The following POLN variants were observed in gnomAD, a reference collection of about 807,000 sequenced individuals.
POLN encodes the protein DNA polymerase N.
POLN carries 108 observed loss-of-function variants against 113.5 expected under a neutral mutation model. That is an observed-to-expected ratio of 0.95 (90% confidence interval 0.81 to 1.12). The LOEUF (loss-of-function observed/expected upper bound fraction) is 1.12, where lower values mean the gene tolerates loss of function less well. POLN is among the 50% of genes most tolerant of loss of function. The pLI is 0.00. For missense variants in POLN, 1,097 were observed against 1,077.1 expected, an observed-to-expected ratio of 1.02 and a Z score of -0.26; for synonymous variants, 386 against 391.5, an observed-to-expected ratio of 0.99 and a Z score of 0.17.
rs35611149 is a variant in POLN at position 2,074,728 on chromosome 4, C to G, written c.2455+724G>C. Among the ~76,000 whole-genome samples the G allele has an allele frequency of 6.9e-3, 1,056 of 152,274 alleles. 3 individuals are homozygous for G. The highest frequency in any genetic ancestry group is 0.011 in the Non-Finnish European group (739 of 68,008). ...CAGCCCTGACGCCCCCGTGCCTCTT[C>G]TCCCAACACGTGAAGCTGCCCCGGC... On this transcript the variant is annotated intron_variant, in intron 24 of 25. Coordinates refer to ENST00000511885, the MANE Select transcript of POLN (RefSeq NM_181808.4).
chr4:2,207,118 G>T (rs1274535428), intron 5 of POLN, among the ~76,000 whole-genome samples: 1 of 152,208 alleles, frequency 6.6e-6, no homozygotes, highest in Non-Finnish European at 1.5e-5. Context: ...TGAGATTGGA[G>T]ACTACTATTC....
chr4:2,159,035 A>C (rs1236902933), intron 14 of POLN, 120 bp downstream of exon 14: 6 of 783,350 alleles, frequency 7.7e-6, no homozygotes, highest in Non-Finnish European at 4.4e-6. Flanking sequence ...ACAAAACTCT[A>C]TTCCCCTGAG....
At chr4:2,137,277 T>G (rs1311042108) in intron 16 of POLN, among the ~76,000 whole-genome samples, 2 of 152,252 alleles carry the variant, frequency 1.3e-5, no homozygotes, top group Non-Finnish European at 2.9e-5. Flanking sequence ...GAGCTGAGAT[T>G]TGAACTCAGT....
Position 2,229,252 on chromosome 4 carries a change from A to G in POLN, c.-12-9T>C, listed in dbSNP as rs774177140. On this transcript the variant is annotated splice_polypyrimidine_tract_variant and intron_variant, in intron 2 of 25. Coordinates refer to ENST00000511885, the MANE Select transcript of POLN (RefSeq NM_181808.4). ...TCCATTTTCACAAAATCCTAAATGT[A>G]AGATTAACATAAGATAAATCCCATA... The G allele has an allele frequency of 1.6e-5, 25 of 1,577,182 alleles. No individual in the cohort carries two copies. Among genetic ancestry groups the G allele is most frequent in the Non-Finnish European group, 2.2e-5 (25 of 1,158,356 alleles).
At chr4:2,114,884 C>T (rs1232714282) in intron 19 of POLN, among the ~76,000 whole-genome samples, 1 of 151,850 alleles carries the variant, frequency 6.6e-6, no homozygotes, top group East Asian at 1.9e-4. Flanking sequence ...GTTAGTCCAT[C>T]TGATATTGTT....
Position 2,106,463 on chromosome 4 carries a change from A to AT in POLN, c.1983-10531dup, listed in dbSNP as rs370173881. Among the ~76,000 whole-genome samples the AT allele has an allele frequency of 1.8e-3, 277 of 152,030 alleles. 1 individual carries two copies. Among genetic ancestry groups the AT allele is most frequent in the African/African-American group, 6.2e-3 (258 of 41,478 alleles). ...ATTTTGATAGACTGTCTTACTTGATATTTTTTTTGCCCAGGGAATAATGCT... is the reference window on the plus strand; with the variant it reads ...ATTTTGATAGACTGTCTTACTTGATATTTTTTTTTGCCCAGGGAATAATGCT... On this transcript the variant is annotated intron_variant, in intron 19 of 25. Coordinates refer to ENST00000511885, the MANE Select transcript of POLN (RefSeq NM_181808.4).
Position 2,176,325 on chromosome 4 carries a change from C to T in POLN, c.1189G>A (p.Val397Ile). The part of the protein sequence containing the change: ...NSSRNIVNQN[V>I]RENLKTLYRL... ...TAGAGTGTCTTCAGGTTCTCACGTA[C>T]ATTCTGATTCTTTAAAAGAGCAAAA... The change falls in exon 9 of 26, where the codon GTA becomes ATA. Residue 397 changes from valine to isoleucine, a missense_variant. Val to Ile is a conservative substitution (Grantham distance 29, BLOSUM62 3). Coordinates refer to ENST00000511885, the MANE Select transcript of POLN (RefSeq NM_181808.4). The T allele has an allele frequency of 1.3e-6, 2 of 1,596,444 alleles. No homozygotes were observed. The highest frequency in any genetic ancestry group is 1.7e-6 in the Non-Finnish European group (2 of 1,173,498).
intron 6 of POLN, among the ~76,000 whole-genome samples, chr4:2,195,024 G>T (rs954582169): frequency 6.6e-6 from 1 of 152,028 alleles, no homozygotes; most frequent in Non-Finnish European, 1.5e-5. Context: ...TATAACAAAC[G>T]TACAGAGAGA....
intron 23 of POLN, chr4:2,080,688 G>T: frequency 2.2e-6 from 3 of 1,358,912 alleles, no homozygotes; most frequent in Non-Finnish European, 1.9e-6. Context: ...CCCCTGTGCT[G>T]TGCAGACACC....
At chr4:2,142,381 C>G (rs978887066) in intron 16 of POLN, among the ~76,000 whole-genome samples, 1 of 152,220 alleles carries the variant, frequency 6.6e-6, no homozygotes, top group African/African-American at 2.4e-5. Context: ...GAGGGTTTCT[C>G]AAAACTACCC....
chr4:2,200,983 G>C (rs975346125), intron 5 of POLN, among the ~76,000 whole-genome samples: 1 of 151,926 alleles, frequency 6.6e-6, no homozygotes, highest in Non-Finnish European at 1.5e-5. Flanking sequence ...AGAAATGAGG[G>C]GAGGCCGGGC....
intron 13 of POLN, among the ~76,000 whole-genome samples, chr4:2,164,018 G>A (rs1732665758): frequency 1.3e-5 from 2 of 152,172 alleles, no homozygotes; most frequent in South Asian, 2.1e-4. Flanking sequence ...GCACAACTCA[G>A]AAAACTCAAA....
Position 2,213,962 on chromosome 4 carries a change from G to A in POLN, c.134-836C>T, listed in dbSNP as rs567411862. On this transcript the variant is annotated intron_variant, in intron 3 of 25. Coordinates refer to ENST00000511885, the MANE Select transcript of POLN (RefSeq NM_181808.4). ...CAAGAAATGTAAGCTTAGGCCGGGC[G>A]TGGTGACTCACGCCTGTGATCCCAG... 1.4e-4 allele frequency among the ~76,000 whole-genome samples: 22 copies of A among 152,342 alleles called. No homozygotes were observed. The South Asian group carries it at 2.9e-3, about 20-fold the overall frequency.
At chr4:2,200,176 A>T (rs191697649) in intron 5 of POLN, among the ~76,000 whole-genome samples, 1 of 152,310 alleles carries the variant, frequency 6.6e-6, no homozygotes, top group Admixed American at 6.5e-5. Context: ...TGACAAACTG[A>T]TCCTAAAACT....
intron 19 of POLN, among the ~76,000 whole-genome samples, chr4:2,096,723 A>T (rs573885524): frequency 6.6e-6 from 1 of 151,800 alleles, no homozygotes; most frequent in African/African-American, 2.4e-5. Context: ...AGAGAGAGAG[A>T]GAGAGAGACA....
chr4:2,120,596 T>C (rs962678618), intron 19 of POLN, among the ~76,000 whole-genome samples: 2 of 151,952 alleles, frequency 1.3e-5, no homozygotes, highest in African/African-American at 4.8e-5. Context: ...CGGGTTCAAG[T>C]GATTCTCCTG....
chr4:2,130,376 T>G (rs36012490), intron 17 of POLN, among the ~76,000 whole-genome samples: 736 of 152,186 alleles, frequency 4.8e-3, no homozygotes, highest in Non-Finnish European at 8.6e-3. Flanking sequence ...AGGACCTTCC[T>G]GCACAGCAGG....
At chr4:2,181,086 T>C (rs1337894614) in intron 7 of POLN, among the ~76,000 whole-genome samples, 2 of 149,862 alleles carry the variant, frequency 1.3e-5, no homozygotes, top group Non-Finnish European at 2.9e-5. Context: ...ATAAACATAA[T>C]AGCTAACTAC....
At chr4:2,078,646 G>A (rs1346796258) in intron 23 of POLN, 3 of 985,412 alleles carry the variant, frequency 3.0e-6, no homozygotes, top group Middle Eastern at 5.2e-4. Flanking sequence ...CCTTCCAGAC[G>A]CCATCCACAG....
Sources: gnomAD v4.1 joint callset for allele counts (sites outside exome capture counted in the v4.1 genomes callset) on GRCh38, gnomAD v4.1.1 for gene constraint, MANE v1.5 for transcripts, NCBI Gene and HGNC (gene_info 2026-07-23, HGNC 2026-07-21) for gene names.